PTPN11: variants seen among roughly 807,000 people sequenced by gnomAD.
PTPN11 encodes tyrosine-protein phosphatase non-receptor type 11.
In PTPN11, 6 loss-of-function variants were observed where a neutral mutation model predicts 78.8. The ratio of observed to expected loss-of-function variants is 0.08; its 90% CI spans 0.04 to 0.15. The LOEUF (loss-of-function observed/expected upper bound fraction) is 0.15, where lower values mean the gene tolerates loss of function less well. Among genes scored for constraint, PTPN11 ranks in the 10% least tolerant of loss-of-function variants. The pLI, the probability that PTPN11 is intolerant of heterozygous loss-of-function variation, is 1.00. For synonymous variants in PTPN11, 221 were observed against 263.5 expected (o/e 0.84, Z 1.56); for missense variants, 386 against 744.8 (o/e 0.52, Z 5.61).
chr12:112,455,901 T>C (rs1473073981), intron 5 of PTPN11, 49 bp from the exon 6 acceptor site: 2 of 1,097,462 alleles, frequency 1.8e-6, no homozygotes, highest in Non-Finnish European at 2.8e-6. Context: ...ATTAACACCG[T>C]TTTCTGTAAT....
chr12:112,419,770 G>A (rs560636919), intron 1 of PTPN11, among the ~76,000 whole-genome samples: 5 of 152,314 alleles, frequency 3.3e-5, no homozygotes, highest in African/African-American at 4.8e-5. Flanking sequence ...GCCGCATCTC[G>A]TTATTTAATC....
chr12:112,458,473 G>C (rs1158174828), intron 6 of PTPN11, among the ~76,000 whole-genome samples: 3 of 152,210 alleles, frequency 2.0e-5, no homozygotes, highest in Admixed American at 2.0e-4. Context: ...GCCTCTCAAA[G>C]TGTTGGGATT....
At chr12:112,437,027 A>G (rs1261792379) in intron 1 of PTPN11, among the ~76,000 whole-genome samples, 3 of 152,246 alleles carry the variant, frequency 2.0e-5, no homozygotes, top group South Asian at 2.1e-4. Flanking sequence ...AGATTTATCA[A>G]TCTTTTTTTT....
rs2038616428 is a variant in PTPN11, at chr12:112,482,739, G to GT, written c.1224+535dup. Among the ~76,000 whole-genome samples the GT allele has an allele frequency of 6.6e-6, 1 of 152,200 alleles. No homozygotes were observed. The highest frequency in any genetic ancestry group is 6.6e-5 in the Admixed American group (1 of 15,266). On this transcript the variant is annotated intron_variant, in intron 10 of 15. Coordinates refer to ENST00000351677, the MANE Select transcript of PTPN11 (RefSeq NM_002834.5). The surrounding 1 kb of genome is among the most constrained non-coding windows in gnomAD (Gnocchi z 4.4). ...GGAAGAGAAGCAGTAGATGTGAGAG[G>GT]TGCCGGGGGGTGAAGTCTGCAGGAT...
chr12:112,496,822 TCAGTATA>T (rs1220396849), intron 13 of PTPN11, among the ~76,000 whole-genome samples: 1 of 152,164 alleles, frequency 6.6e-6, no homozygotes, highest in Non-Finnish European at 1.5e-5. Context: ...TCTCTACACT[TCAGTATA>T]CAGAGATCTG....
At chr12:112,435,798 G>T (rs934015003) in intron 1 of PTPN11, among the ~76,000 whole-genome samples, 1 of 152,080 alleles carries the variant, frequency 6.6e-6, no homozygotes, top group African/African-American at 2.4e-5. Context: ...AAAATTGAAA[G>T]TAGGAAACAA....
chr12:112,460,514 C>T (rs2038231251), intron 6 of PTPN11, among the ~76,000 whole-genome samples: 1 of 152,106 alleles, frequency 6.6e-6, no homozygotes, highest in Admixed American at 6.6e-5. Flanking sequence ...AAGCTTCACA[C>T]ACTGTGGTTG....
intron 7 of PTPN11, 101 bp from the exon 8 acceptor site, chr12:112,477,550 G>C: frequency 1.1e-6 from 1 of 907,532 alleles, no homozygotes; most frequent in South Asian, 1.4e-5. Flanking sequence ...TTCAATCATT[G>C]AATGAACAAA....
chr12:112,501,440 C>T (rs1015206287), intron 13 of PTPN11, among the ~76,000 whole-genome samples: 1 of 152,118 alleles, frequency 6.6e-6, no homozygotes, highest in African/African-American at 2.4e-5. Context: ...TGGCTAATAA[C>T]ATGGTTAAGC....
At chr12:112,434,202 C>T (rs1348774774) in intron 1 of PTPN11, among the ~76,000 whole-genome samples, 1 of 152,046 alleles carries the variant, frequency 6.6e-6, no homozygotes, top group African/African-American at 2.4e-5. Flanking sequence ...ATTGCTTGAG[C>T]CTGGGAGGTT....
intron 11 of PTPN11, chr12:112,487,021 A>C: frequency 1.5e-6 from 1 of 663,860 alleles, no homozygotes; most frequent in Non-Finnish European, 2.0e-6. Flanking sequence ...AATAGGCCTG[A>C]CTCTTGAGGA....
chr12:112,487,377 A>G (rs1592853511), intron 11 of PTPN11, among the ~76,000 whole-genome samples: 1 of 151,910 alleles, frequency 6.6e-6, no homozygotes, highest in African/African-American at 2.4e-5. Context: ...CAGGTGATCC[A>G]CCTGCCTTGT....
chr12:112,424,965 TGTGTG>T (rs2037589353), intron 1 of PTPN11, among the ~76,000 whole-genome samples: 1 of 118,558 alleles, frequency 8.4e-6, no homozygotes, highest in Non-Finnish European at 1.7e-5. Context: ...ATTGTGTGTG[TGTGTG>T]TGTGTGTGTG....
intron 1 of PTPN11, among the ~76,000 whole-genome samples, chr12:112,433,161 A>G (rs1370128762): frequency 2.0e-5 from 3 of 152,160 alleles, no homozygotes; most frequent in African/African-American, 7.2e-5. Context: ...ATTTACAGGC[A>G]CCTGGCCACC....
At chr12:112,439,227 G>C (rs1460557703) in intron 1 of PTPN11, among the ~76,000 whole-genome samples, 2 of 152,142 alleles carry the variant, frequency 1.3e-5, no homozygotes, top group Non-Finnish European at 2.9e-5. Context: ...CCATGTGTTA[G>C]TGATTCTCAG....
At chr12:112,433,504 T>C (rs915046365) in intron 1 of PTPN11, among the ~76,000 whole-genome samples, 2 of 152,282 alleles carry the variant, frequency 1.3e-5, no homozygotes, top group African/African-American at 4.8e-5. Context: ...TTTACAGATT[T>C]ATTTGTAAAA....
intron 13 of PTPN11, among the ~76,000 whole-genome samples, chr12:112,492,632 C>G (rs1028091657): frequency 6.6e-6 from 1 of 151,896 alleles, no homozygotes; most frequent in Non-Finnish European, 1.5e-5. Context: ...ATTCTCCTGC[C>G]TCAGCCTCCC....
At position 112,467,274 on chromosome 12, in the gene PTPN11, G is replaced by C. The variant is rs2038344674; in HGVS notation, c.757-5670G>C. Among the ~76,000 whole-genome samples the C allele has an allele frequency of 2.0e-5, 3 of 152,174 alleles. No individual in the cohort carries two copies. In the South Asian group the frequency reaches 6.2e-4, roughly 32 times the overall value. ...TTTAATAGTTTATTAGATGTGTTAG[G>C]CTGTTTTGCACTGCTCTAAAGGAAT... On this transcript the variant is annotated intron_variant, in intron 6 of 15. Transcript: ENST00000351677.
intron 11 of PTPN11, among the ~76,000 whole-genome samples, chr12:112,488,199 G>A (rs1439069929): frequency 1.3e-5 from 2 of 152,120 alleles, no homozygotes; most frequent in Admixed American, 6.6e-5. Context: ...GAAATTAAGG[G>A]TCAGAGAGGT....
Sources: allele counts gnomAD v4.1 joint callset (sites outside exome capture counted in the v4.1 genomes callset), GRCh38; gene constraint gnomAD v4.1.1; non-coding constraint Gnocchi (gnomAD v3.1); transcripts MANE v1.5; gene names NCBI Gene and HGNC (gene_info 2026-07-23, HGNC 2026-07-21).